TRIO: variants seen among roughly 807,000 people sequenced by gnomAD.
The protein encoded by TRIO is trio Rho guanine nucleotide exchange factor, also known as triple functional domain protein.
In TRIO, 58 loss-of-function variants were observed where a neutral mutation model predicts 351.9. The ratio of observed to expected loss-of-function variants is 0.16; its 90% CI spans 0.13 to 0.21. The LOEUF (loss-of-function observed/expected upper bound fraction) is 0.21. TRIO is among the 10% of genes least tolerant of loss of function. The pLI, the probability that TRIO is intolerant of heterozygous loss-of-function variation, is 1.00. For missense variants in TRIO, 3,201 were observed against 4,027.8 expected, an observed-to-expected ratio of 0.79 and a Z score of 5.56; for synonymous variants, 1,758 against 1,595.7, an observed-to-expected ratio of 1.10 and a Z score of -2.42.
intron 9 of TRIO, among the ~76,000 whole-genome samples, chr5:14,323,411 C>G (rs1392675937): frequency 1.3e-5 from 2 of 152,084 alleles, no homozygotes; most frequent in African/African-American, 4.8e-5. Flanking sequence ...GTAAAATCAA[C>G]GTGATACTGA....
intron 19 of TRIO, among the ~76,000 whole-genome samples, chr5:14,374,952 G>A (rs373387089): frequency 1.2e-4 from 19 of 152,178 alleles, no homozygotes; most frequent in African/African-American, 3.4e-4. Flanking sequence ...AAGGCACAAA[G>A]CAAGTAACTT....
chr5:14,394,170 T>C, intron 28 of TRIO, 40 bp downstream of exon 28: 2 of 1,333,364 alleles, frequency 1.5e-6, no homozygotes, highest in East Asian at 2.3e-5. Context: ...ATTTTATGAA[T>C]TATGTATTAT....
Position 14,508,662 on chromosome 5 carries a change from T to G in TRIO, c.*240T>G, listed in dbSNP as rs576798920. 13 of 430,110 alleles carry G rather than the reference T, an allele frequency of 3.0e-5. No homozygotes were observed. Among genetic ancestry groups the G allele is most frequent in the Non-Finnish European group, 4.9e-5 (12 of 245,988 alleles). The allele number at this position is 430,110 out of a possible 1,614,324, so 26.6% of individuals were successfully genotyped here. On this transcript the variant is annotated 3_prime_UTR_variant, in exon 57 of 57. Coordinates refer to ENST00000344204, the MANE Select transcript of TRIO (RefSeq NM_007118.4). The stretch of plus-strand genomic sequence containing the variant: ...GGTCGCATTGCTGTATCACAGTATT[T>G]TATTCAGGTTTCTGCAAAAAAATAA...
At chr5:14,405,543 TG>T (rs1748630408) in intron 31 of TRIO, among the ~76,000 whole-genome samples, 1 of 152,084 alleles carries the variant, frequency 6.6e-6, no homozygotes. Flanking sequence ...GCAGTGAGGG[TG>T]GCTGTGTTGG....
chr5:14,271,649 C>G (rs1309140305), intron 2 of TRIO, among the ~76,000 whole-genome samples: 1 of 152,196 alleles, frequency 6.6e-6, no homozygotes, highest in Admixed American at 6.5e-5. Flanking sequence ...CAAAGATTTG[C>G]AAGATTTTTC....
chr5:14,436,125 G>A, intron 34 of TRIO, among the ~76,000 whole-genome samples: 1 of 152,186 alleles, frequency 6.6e-6, no homozygotes, highest in Admixed American at 6.5e-5. Flanking sequence ...ACACTGCTGA[G>A]ACTAGGCAAT....
intron 1 of TRIO, among the ~76,000 whole-genome samples, chr5:14,254,838 G>A (rs1277547838): frequency 6.6e-6 from 1 of 152,196 alleles, no homozygotes; most frequent in Non-Finnish European, 1.5e-5. Flanking sequence ...CTTGGAGGTT[G>A]GAGACTGAGT....
chr5:14,369,188 GAA>G (rs1452620419), intron 17 of TRIO, among the ~76,000 whole-genome samples, 184 bp from the exon 18 acceptor site: 1 of 152,210 alleles, frequency 6.6e-6, no homozygotes, highest in African/African-American at 2.4e-5. Context: ...TTCTCGCTCT[GAA>G]AAGTCTGCCT....
Position 14,200,223 on chromosome 5 carries a change from A to C in TRIO, c.157+56341A>C, listed in dbSNP as rs541188949. Among the ~76,000 whole-genome samples the C allele has an allele frequency of 5.9e-5, 9 of 152,134 alleles. No individual in the cohort carries two copies. The South Asian group carries it at 1.9e-3, about 32-fold the overall frequency. ...GCCCCTCCCCTCCCTGCCATCCATT[A>C]TATGCCTCCATCCTTCTCAGGGCCC... is the stretch of plus-strand genomic sequence containing the variant. On this transcript the variant is annotated intron_variant, in intron 1 of 56. Coordinates refer to ENST00000344204, the MANE Select transcript of TRIO (RefSeq NM_007118.4).
Position 14,170,631 on chromosome 5 carries a change from C to T in TRIO, c.157+26749C>T, listed in dbSNP as rs548846593. Reference sequence around the variant, plus strand: ...AGGTGATTCTCCTGCCTCAGCCTCCCGAGTAGCTGGGATTACAGGCGTGCT... The same window carrying T: ...AGGTGATTCTCCTGCCTCAGCCTCCTGAGTAGCTGGGATTACAGGCGTGCT... On this transcript the variant is annotated intron_variant, in intron 1 of 56. Coordinates refer to ENST00000344204, the MANE Select transcript of TRIO (RefSeq NM_007118.4). 3.3e-5 allele frequency among the ~76,000 whole-genome samples: 5 copies of T among 151,920 alleles called. 1 individual carries two copies. The South Asian group carries it at 6.3e-4, about 19-fold the overall frequency.
intron 1 of TRIO, among the ~76,000 whole-genome samples, chr5:14,182,051 A>G (rs1789804719): frequency 1.3e-5 from 2 of 152,210 alleles, no homozygotes; most frequent in East Asian, 3.9e-4. Flanking sequence ...ATATCATTGA[A>G]TTTCATGTTA....
At chr5:14,415,311 A>C (rs541534714) in intron 33 of TRIO, among the ~76,000 whole-genome samples, 1 of 152,056 alleles carries the variant, frequency 6.6e-6, no homozygotes, top group Non-Finnish European at 1.5e-5. Flanking sequence ...CACCCACCAC[A>C]CCAGTCCGAG....
chr5:14,350,492 C>T (rs923572569), intron 11 of TRIO, among the ~76,000 whole-genome samples: 6 of 152,174 alleles, frequency 3.9e-5, no homozygotes, highest in African/African-American at 1.4e-4. Context: ...CGTCTGTGAG[C>T]TTTGGCCCCA....
chr5:14,171,082 A>G (rs1459291447), intron 1 of TRIO, among the ~76,000 whole-genome samples: 1 of 152,150 alleles, frequency 6.6e-6, no homozygotes, highest in African/African-American at 2.4e-5. Flanking sequence ...TTTTGGGTGA[A>G]CAGTTGGAAA....
Position 14,310,754 on chromosome 5 carries a change from A to G in TRIO, c.1501-5759A>G, listed in dbSNP as rs112665087. Among the ~76,000 whole-genome samples the G allele has an allele frequency of 4.3e-3, 662 of 152,298 alleles. 5 individuals are homozygous for G. The highest frequency in any genetic ancestry group is 0.015 in the African/African-American group (625 of 41,562). On this transcript the variant is annotated intron_variant, in intron 8 of 56. Transcript: ENST00000344204. ...AGGCTGGAATGCAGTGGTGCGATTT[A>G]GGCTCACTGCAACCTCTGCCTCCTG...
At chr5:14,262,605 G>A (rs79438756) in intron 1 of TRIO, among the ~76,000 whole-genome samples, 368 of 152,274 alleles carry the variant, frequency 2.4e-3, no homozygotes, top group African/African-American at 8.4e-3. Flanking sequence ...TTAGGAGATC[G>A]CTGGAATAGC....
rs563346270 is a variant in TRIO at position 14,276,510 on chromosome 5, C to T, written c.233-3812C>T. 2.6e-5 allele frequency among the ~76,000 whole-genome samples: 4 copies of T among 152,356 alleles called. 1 individual carries two copies. The highest frequency in any genetic ancestry group is 4.1e-4 in the South Asian group (2 of 4,830). ...ATTATTTTATGGCACACTTAATAGA[C>T]GTTAGCCATCATTTCTCTTTTTCAC... On this transcript the variant is annotated intron_variant, in intron 2 of 56. Coordinates refer to ENST00000344204, the MANE Select transcript of TRIO (RefSeq NM_007118.4).
At chr5:14,176,203 G>A (rs1262121748) in intron 1 of TRIO, among the ~76,000 whole-genome samples, 1 of 152,140 alleles carries the variant, frequency 6.6e-6, no homozygotes, top group African/African-American at 2.4e-5. Flanking sequence ...TGGGCTTGGT[G>A]GCTCACACCT....
chr5:14,411,523 A>G (rs1749201946), intron 33 of TRIO, among the ~76,000 whole-genome samples: 1 of 149,196 alleles, frequency 6.7e-6, no homozygotes, highest in Non-Finnish European at 1.5e-5. Flanking sequence ...GTTGAGACTG[A>G]TAACTTCATG....
Sources: gnomAD v4.1 joint callset for allele counts (sites outside exome capture counted in the v4.1 genomes callset) on GRCh38, gnomAD v4.1.1 for gene constraint, MANE v1.5 for transcripts, NCBI Gene and HGNC (gene_info 2026-07-23, HGNC 2026-07-21) for gene names.